CALD1: variants seen among roughly 807,000 people sequenced by gnomAD.
The protein encoded by CALD1 is caldesmon 1.
A neutral mutation model predicts 99.9 loss-of-function variants in CALD1; 33 were observed. The ratio of observed to expected loss-of-function variants is 0.33; its 90% CI spans 0.25 to 0.44. The LOEUF is 0.44. Among genes scored for constraint, CALD1 ranks in the 20% least tolerant of loss-of-function variants. The pLI, the probability that CALD1 is intolerant of heterozygous loss-of-function variation, is 1.00. For synonymous variants in CALD1, 310 were observed against 325.0 expected (o/e 0.95, Z 0.50); for missense variants, 861 against 962.1 (o/e 0.89, Z 1.39).
At chr7:134,854,731 G>C (rs898698094) in intron 2 of CALD1, among the ~76,000 whole-genome samples, 1 of 152,104 alleles carries the variant, frequency 6.6e-6, no homozygotes, top group African/African-American at 2.4e-5. Flanking sequence ...CTCATTCCTG[G>C]TGGGATAAAT....
upstream of CALD1, among the ~76,000 whole-genome samples, chr7:134,778,865 G>C (rs938369728): frequency 1.2e-4 from 18 of 152,194 alleles, no homozygotes; most frequent in Non-Finnish European, 1.5e-4. Flanking sequence ...AAAGAGATAA[G>C]GAGAGGAAAG....
chr7:134,815,550 A>G (rs1312466169), intron 1 of CALD1, among the ~76,000 whole-genome samples: 1 of 152,156 alleles, frequency 6.6e-6, no homozygotes, highest in East Asian at 1.9e-4. Context: ...CACTGTAATG[A>G]TATCATTCAC....
chr7:134,789,116 A>G (rs1036822223), intron 1 of CALD1, among the ~76,000 whole-genome samples: 1 of 151,346 alleles, frequency 6.6e-6, no homozygotes, highest in Non-Finnish European at 1.5e-5. Context: ...TTGATTCCTC[A>G]TGAATTGTAT....
At chr7:134,823,573 T>C (rs1408634799) in intron 1 of CALD1, among the ~76,000 whole-genome samples, 1 of 152,186 alleles carries the variant, frequency 6.6e-6, no homozygotes, top group Admixed American at 6.5e-5. Flanking sequence ...ATCTTAAACA[T>C]GCTTTTAAAA....
At position 134,783,036 on chromosome 7, in the gene CALD1, G is replaced by C. The variant is rs1240500813; in HGVS notation, c.-130+3287G>C. On this transcript the variant is annotated intron_variant, in intron 1 of 14. Transcript: ENST00000361675. The surrounding 1 kb of genome is among the most constrained non-coding windows in gnomAD (Gnocchi z 4.3). ...ATCCACTTGAGCATAAGACCAGTGAGAAAGTGCTGACAACAGAAAGCCCTT... is the reference window on the plus strand; with the variant it reads ...ATCCACTTGAGCATAAGACCAGTGACAAAGTGCTGACAACAGAAAGCCCTT... Among the ~76,000 whole-genome samples the C allele has an allele frequency of 6.6e-6, 1 of 152,210 alleles. No individual in the cohort carries two copies. The highest frequency in any genetic ancestry group is 6.5e-5 in the Admixed American group (1 of 15,282).
At chr7:134,746,270 G>T (rs1796633783) in intron 1 of CALD1, among the ~76,000 whole-genome samples, 1 of 152,196 alleles carries the variant, frequency 6.6e-6, no homozygotes. Context: ...GACACCCCTT[G>T]TCCCCTTCAC....
At chr7:134,924,134 G>A (rs755471314) in intron 3 of CALD1, among the ~76,000 whole-genome samples, 3 of 152,112 alleles carry the variant, frequency 2.0e-5, no homozygotes, top group South Asian at 2.1e-4. Flanking sequence ...TTAAAGAAAT[G>A]GTTTGTGAAA....
At chr7:134,894,953 A>G (rs1421034826) in intron 3 of CALD1, among the ~76,000 whole-genome samples, 1 of 152,032 alleles carries the variant, frequency 6.6e-6, no homozygotes, top group African/African-American at 2.4e-5. Context: ...GCTGAAAGTT[A>G]AAAGTTTTTT....
chr7:134,851,860 C>T (rs1464888492), intron 2 of CALD1, among the ~76,000 whole-genome samples: 1 of 151,982 alleles, frequency 6.6e-6, no homozygotes, highest in Non-Finnish European at 1.5e-5. Context: ...TATAATGTGC[C>T]CAGAAGAAGT....
intron 1 of CALD1, among the ~76,000 whole-genome samples, chr7:134,752,755 C>T (rs749861213): frequency 6.6e-6 from 1 of 152,106 alleles, no homozygotes; most frequent in Non-Finnish European, 1.5e-5. Flanking sequence ...AATCCCAGCA[C>T]TTTAGGAGGC....
At chr7:134,908,404 A>G (rs1586271598) in intron 3 of CALD1, among the ~76,000 whole-genome samples, 1 of 152,144 alleles carries the variant, frequency 6.6e-6, no homozygotes, top group Non-Finnish European at 1.5e-5. Context: ...TTGCTCATCT[A>G]TTTCCTGTCT....
intron 1 of CALD1, among the ~76,000 whole-genome samples, chr7:134,765,315 GAA>G (rs201728154): frequency 2.3e-5 from 3 of 131,862 alleles, no homozygotes; most frequent in Admixed American, 1.5e-4. Context: ...CTCCGTCTCG[GAA>G]AAAAAAAAAA....
upstream of CALD1, among the ~76,000 whole-genome samples, chr7:134,742,103 T>TGGG (rs953703831): frequency 9.9e-5 from 15 of 152,082 alleles, no homozygotes; most frequent in African/African-American, 3.6e-4. Flanking sequence ...TCTCTTTCAA[T>TGGG]GGGTGGAACT....
chr7:134,962,279 G>C (rs773738453), intron 13 of CALD1: 4 of 145,476 alleles, frequency 2.7e-5, no homozygotes, highest in Non-Finnish European at 6.0e-5. Flanking sequence ...ATGCAGTTAT[G>C]ATTATGATAG....
intron 1 of CALD1, among the ~76,000 whole-genome samples, chr7:134,761,840 C>A (rs561684845): frequency 6.6e-6 from 1 of 152,268 alleles, no homozygotes; most frequent in East Asian, 1.9e-4. Context: ...TGCCAATAGA[C>A]ATTTACCATT....
chr7:134,715,058 T>C, the CALD1 span, among the ~76,000 whole-genome samples: 1 of 152,222 alleles, frequency 6.6e-6, no homozygotes, highest in African/African-American at 2.4e-5. Context: ...TGAGTTGCCA[T>C]ATGTTACCCA....
chr7:134,926,431 A>C (rs1805025418), intron 3 of CALD1, among the ~76,000 whole-genome samples: 1 of 152,176 alleles, frequency 6.6e-6, no homozygotes. Flanking sequence ...CATTTTATAG[A>C]ATTACTAAGT....
chr7:134,876,421 A>G (rs75807182), intron 3 of CALD1, among the ~76,000 whole-genome samples: 6,683 of 152,332 alleles, frequency 0.044, 214 homozygotes, highest in Non-Finnish European at 0.071. Flanking sequence ...ATATTTTGGA[A>G]AAGAGTGTAT....
At chr7:134,917,142 C>T (rs886797092) in intron 3 of CALD1, among the ~76,000 whole-genome samples, 2 of 152,192 alleles carry the variant, frequency 1.3e-5, no homozygotes, top group African/African-American at 2.4e-5. Flanking sequence ...CAGCCATCGA[C>T]ACCTGGGTCT....
Sources: gnomAD v4.1 joint callset for allele counts (sites outside exome capture counted in the v4.1 genomes callset) on GRCh38, gnomAD v4.1.1 for gene constraint, Gnocchi (gnomAD v3.1) non-coding constraint, MANE v1.5 for transcripts, NCBI Gene and HGNC (gene_info 2026-07-23, HGNC 2026-07-21) for gene names.